Variants in USH2A observed in about 807,000 individuals in gnomAD.
The protein encoded by USH2A is usherin.
In USH2A, 443 loss-of-function variants were observed where a neutral mutation model predicts 538.9. That is an observed-to-expected ratio of 0.82 (90% CI 0.76 to 0.89). The LOEUF is 0.89. USH2A is among the 40% of genes least tolerant of loss of function. The pLI, the probability that USH2A is intolerant of heterozygous loss-of-function variation, is 0.00. For synonymous variants in USH2A, 2,413 were observed against 2,273.5 expected, an observed-to-expected ratio of 1.06 and a Z score of -1.75; for missense variants, 6,633 against 6,324.8, an observed-to-expected ratio of 1.05 and a Z score of -1.65.
At chr1:216,175,049 C>G in intron 21 of USH2A, 1 of 1,408,172 alleles carries the variant, frequency 7.1e-7, no homozygotes, top group East Asian at 2.7e-5. Flanking sequence ...TTTTATTTTT[C>G]CTTTCCTTCA....
chr1:215,708,287 G>T (rs966417971), intron 61 of USH2A, among the ~76,000 whole-genome samples: 3 of 152,116 alleles, frequency 2.0e-5, no homozygotes, highest in Non-Finnish European at 4.4e-5. Flanking sequence ...CTTCAAGAGG[G>T]AAGCATTTTT....
At chr1:215,690,065 T>C (rs1056343492) in intron 61 of USH2A, among the ~76,000 whole-genome samples, 3 of 152,330 alleles carry the variant, frequency 2.0e-5, no homozygotes, top group Non-Finnish European at 4.4e-5. Context: ...CTCTTCGAAG[T>C]TGGTTGAAGT....
At chr1:215,858,942 C>T (rs577525214) in intron 44 of USH2A, among the ~76,000 whole-genome samples, 11 of 152,234 alleles carry the variant, frequency 7.2e-5, no homozygotes, top group African/African-American at 1.9e-4. Flanking sequence ...GTGATCAAGG[C>T]GCCAGCAAAT....
Position 216,006,662 on chromosome 1 carries a change from C to T in USH2A, c.6326-6100G>A, listed in dbSNP as rs533281886. On this transcript the variant is annotated intron_variant, in intron 32 of 71. Coordinates refer to ENST00000307340, the MANE Select transcript of USH2A (RefSeq NM_206933.4). ...TATGTTGTTCCTTTGTGACTCTCTT[C>T]ATTATATTGATTTGTTTTTCCTTCT... Among the ~76,000 whole-genome samples the T allele has an allele frequency of 2.6e-5, 4 of 152,244 alleles. No individual in the cohort carries two copies. In the East Asian group the frequency reaches 7.7e-4, roughly 29 times the overall value.
intron 61 of USH2A, among the ~76,000 whole-genome samples, chr1:215,700,365 C>T (rs187080492): frequency 5.8e-4 from 88 of 152,112 alleles, no homozygotes; most frequent in Non-Finnish European, 1.0e-3. Context: ...TTGTTTGGAA[C>T]AGTTTTAGAA....
intron 3 of USH2A, among the ~76,000 whole-genome samples, chr1:216,405,795 G>A (rs1228015590): frequency 3.9e-5 from 6 of 152,180 alleles, no homozygotes; most frequent in Admixed American, 3.9e-4. Flanking sequence ...TTCAATGGGT[G>A]AAGGGTTAAA....
chr1:215,694,558 G>C (rs1290371208), intron 61 of USH2A, among the ~76,000 whole-genome samples: 1 of 152,148 alleles, frequency 6.6e-6, no homozygotes, highest in African/African-American at 2.4e-5. Flanking sequence ...GGGTGACAGA[G>C]AGAGACTCCA....
intron 38 of USH2A, among the ~76,000 whole-genome samples, chr1:215,931,525 C>T (rs1666361830): frequency 6.6e-6 from 1 of 151,996 alleles, no homozygotes. Context: ...AGTTTGAGCT[C>T]CCAATTTTAT....
rs532355570 is a variant in USH2A, at chr1:215,779,757, C to A, written c.10939+86G>T. The A allele has an allele frequency of 2.0e-6, 3 of 1,524,686 alleles. No individual in the cohort carries two copies. In the East Asian group the frequency reaches 6.8e-5, roughly 35 times the overall value. 94.4% of individuals were successfully genotyped at this position (1,524,686 alleles called of 1,614,324 possible). A position where few individuals can be genotyped will look rare whatever the true frequency, so the allele number is the denominator to read the frequency against. On this transcript the variant is annotated intron_variant, in intron 55 of 71. Coordinates refer to ENST00000307340, the MANE Select transcript of USH2A (RefSeq NM_206933.4). Reference sequence around the variant, plus strand: ...GTCCTTTCGAAGTGACCTCATATATCAAACACACACCCCTGGGATGCTTTG... The same window carrying A: ...GTCCTTTCGAAGTGACCTCATATATAAAACACACACCCCTGGGATGCTTTG...
rs151215105 is a variant in USH2A at position 215,643,185 on chromosome 1, A to G, written c.14792-2451T>C. On this transcript the variant is annotated intron_variant, in intron 67 of 71. Transcript: ENST00000307340. ...TAATTTTTTTGGATTTTTAGTAGAGATGGGGTTTCACCATGCTGGCCAGGC... is the reference window on the plus strand; with the variant it reads ...TAATTTTTTTGGATTTTTAGTAGAGGTGGGGTTTCACCATGCTGGCCAGGC... Among the ~76,000 whole-genome samples the G allele has an allele frequency of 8.7e-3, 1,317 of 151,992 alleles. 24 individuals carry two copies. Among genetic ancestry groups the G allele is most frequent in the African/African-American group, 0.03 (1,250 of 41,418 alleles).
At chr1:215,925,594 T>C (rs1031778353) in intron 38 of USH2A, among the ~76,000 whole-genome samples, 7 of 152,186 alleles carry the variant, frequency 4.6e-5, no homozygotes, top group African/African-American at 7.2e-5. Context: ...TGTATCTTCA[T>C]TGTGGCTTTT....
At chr1:215,783,555 C>T (rs1356711357) in intron 52 of USH2A, among the ~76,000 whole-genome samples, 1 of 152,144 alleles carries the variant, frequency 6.6e-6, no homozygotes, top group Non-Finnish European at 1.5e-5. Context: ...ACCAAGCCTG[C>T]TGAGCTTTCC....
intron 6 of USH2A, 99 bp from the exon 7 acceptor site, chr1:216,324,451 TTCA>T (rs1275231746): frequency 1.8e-6 from 2 of 1,130,468 alleles, no homozygotes; most frequent in Non-Finnish European, 2.5e-6. Context: ...ATTGGCTCAC[TTCA>T]TCATAATTAT....
intron 70 of USH2A, among the ~76,000 whole-genome samples, chr1:215,634,081 T>TCAA: frequency 6.6e-6 from 1 of 152,276 alleles, no homozygotes; most frequent in East Asian, 1.9e-4. Flanking sequence ...CCAGGTAATC[T>TCAA]CAACATACAA....
At chr1:216,167,598 A>G (rs1450135355) in intron 21 of USH2A, among the ~76,000 whole-genome samples, 1 of 152,144 alleles carries the variant, frequency 6.6e-6, no homozygotes, top group East Asian at 1.9e-4. Flanking sequence ...GCCCACCCCA[A>G]GGGAAGAATC....
intron 10 of USH2A, among the ~76,000 whole-genome samples, chr1:216,289,870 T>A (rs1467992112): frequency 6.6e-6 from 1 of 152,190 alleles, no homozygotes; most frequent in Non-Finnish European, 1.5e-5. Context: ...TCTCTTAATA[T>A]AATTTATTAT....
At position 216,028,386 on chromosome 1, in the gene USH2A, C is replaced by CAATA. The variant is rs1421170924; in HGVS notation, c.6325+18041_6325+18044dup. Among the ~76,000 whole-genome samples the CAATA allele has an allele frequency of 2.7e-5, 4 of 149,924 alleles. No individual in the cohort carries two copies. The East Asian group carries it at 7.8e-4, about 29-fold the overall frequency. ...TGGGCGACAGAGTGAGACCCTGTCT[C>CAATA]AATAAATAAATGAATAAATAAATAA... On this transcript the variant is annotated intron_variant, in intron 32 of 71. Transcript: ENST00000307340.
chr1:216,415,224 A>G (rs1182856510), intron 3 of USH2A, among the ~76,000 whole-genome samples: 1 of 152,020 alleles, frequency 6.6e-6, no homozygotes, highest in Non-Finnish European at 1.5e-5. Flanking sequence ...TTACTTGTTT[A>G]TGAAGAATTC....
At chr1:215,774,140 GAACATCAA>G (rs780386845) in intron 55 of USH2A, among the ~76,000 whole-genome samples, 2 of 152,046 alleles carry the variant, frequency 1.3e-5, no homozygotes, top group Non-Finnish European at 2.9e-5. Context: ...CATATGAACT[GAACATCAA>G]AACATCAAAA....
Sources: gnomAD v4.1 joint callset for allele counts (sites outside exome capture counted in the v4.1 genomes callset) on GRCh38, gnomAD v4.1.1 for gene constraint, MANE v1.5 for transcripts, NCBI Gene and HGNC (gene_info 2026-07-23, HGNC 2026-07-21) for gene names.